The following NLRP14 variants were observed in gnomAD, a reference collection of about 807,000 sequenced individuals.
The protein encoded by NLRP14 is NACHT, LRR and PYD domains-containing protein 14.
A neutral mutation model predicts 94.7 loss-of-function variants in NLRP14; 105 were observed. The observed-to-expected ratio is 1.11, with a 90% CI of 0.95 to 1.30. The LOEUF (loss-of-function observed/expected upper bound fraction) is 1.30, where lower values mean the gene tolerates loss of function less well. Among genes scored for constraint, NLRP14 ranks in the 50% most tolerant of loss-of-function variants. The probability of loss-of-function intolerance (pLI) is 0.00; values close to 1 mark genes in which losing one functional copy is unlikely to be tolerated. For missense variants in NLRP14, 1,362 were observed against 1,254.1 expected, an observed-to-expected ratio of 1.09 and a Z score of -1.30; for synonymous variants, 508 against 459.9, an observed-to-expected ratio of 1.10 and a Z score of -1.34.
chr11:7,064,643 G>A (rs1228413143), intron 10 of NLRP14, among the ~76,000 whole-genome samples: 1 of 152,022 alleles, frequency 6.6e-6, no homozygotes, highest in East Asian at 1.9e-4. Context: ...TCATACAAAT[G>A]GGAGAGAGAG....
At chr11:7,089,114 G>A in the NLRP14 span, 3 of 1,612,872 alleles carry the variant, frequency 1.9e-6, no homozygotes, top group Middle Eastern at 1.7e-4. Context: ...CCGTTCGACC[G>A]GCAAACATGG....
At chr11:7,032,661 T>C (rs910429658) in intron 1 of NLRP14, among the ~76,000 whole-genome samples, 26 of 152,236 alleles carry the variant, frequency 1.7e-4, no homozygotes, top group Non-Finnish European at 1.0e-4. Context: ...TTGTGCTATC[T>C]GCCTAAGTTT....
intron 1 of NLRP14, among the ~76,000 whole-genome samples, chr11:7,025,655 G>C (rs1030850574): frequency 2.0e-5 from 3 of 152,058 alleles, no homozygotes; most frequent in Non-Finnish European, 2.9e-5. Flanking sequence ...AGAAACATCT[G>C]TGAGGTGAGT....
At position 7,023,242 on chromosome 11, in the gene NLRP14, A is replaced by G. The variant is rs1292277151; in HGVS notation, c.-22+2472A>G. On this transcript the variant is annotated intron_variant, in intron 1 of 11. Transcript: ENST00000299481. ...ATTTTATATACACATATAAAATTTTAAATATGTTTAAATTTTAATTTTATA... is the reference window on the plus strand; with the variant it reads ...ATTTTATATACACATATAAAATTTTGAATATGTTTAAATTTTAATTTTATA... 3.3e-5 allele frequency among the ~76,000 whole-genome samples: 5 copies of G among 149,398 alleles called. No individual in the cohort carries two copies. In the East Asian group the frequency reaches 9.7e-4, roughly 29 times the overall value.
At chr11:7,089,572 GGCC>G in the NLRP14 span, 3 of 1,183,762 alleles carry the variant, frequency 2.5e-6, no homozygotes, top group East Asian at 4.1e-5. Flanking sequence ...ATGAAGCGTG[GGCC>G]GCCGCCGCGC....
At chr11:7,050,256 G>GTT (rs1852422468) in intron 6 of NLRP14, among the ~76,000 whole-genome samples, 1 of 152,158 alleles carries the variant, frequency 6.6e-6, no homozygotes, top group Non-Finnish European at 1.5e-5. Flanking sequence ...TTTGATTTTT[G>GTT]TTGGTGACTC....
At chr11:7,084,936 C>A in the NLRP14 span, among the ~76,000 whole-genome samples, 2 of 152,052 alleles carry the variant, frequency 1.3e-5, no homozygotes, top group African/African-American at 4.8e-5. Context: ...TAGTTAGTGT[C>A]AAAATTGAAT....
intron 10 of NLRP14, among the ~76,000 whole-genome samples, chr11:7,070,049 T>C (rs1216451895): frequency 2.0e-5 from 3 of 152,220 alleles, no homozygotes; most frequent in Non-Finnish European, 2.9e-5. Flanking sequence ...GCATATTTTA[T>C]TTATTCCTTA....
the NLRP14 span, chr11:7,089,097 TGACCGACCGTTC>T: frequency 6.2e-7 from 1 of 1,608,278 alleles, no homozygotes; most frequent in Non-Finnish European, 8.5e-7. Context: ...CCACCGCCAC[TGACCGACCGTTC>T]GACCGGCAAA....
At chr11:7,066,703 C>T (rs1290193290) in intron 10 of NLRP14, among the ~76,000 whole-genome samples, 1 of 152,052 alleles carries the variant, frequency 6.6e-6, no homozygotes, top group Non-Finnish European at 1.5e-5. Context: ...TAATTAGATC[C>T]CATTTGTCAA....
At chr11:7,048,919 T>G (rs1852399159) in intron 5 of NLRP14, among the ~76,000 whole-genome samples, 1 of 151,980 alleles carries the variant, frequency 6.6e-6, no homozygotes, top group Admixed American at 6.6e-5. Flanking sequence ...GTTTACTGAG[T>G]GCCTTAGGCA....
chr11:7,057,536 C>G, intron 6 of NLRP14, 141 bp from the exon 7 acceptor site: 1 of 764,268 alleles, frequency 1.3e-6, no homozygotes, highest in East Asian at 2.6e-5. Flanking sequence ...AGTTAAATAA[C>G]TTTTTTTCTG....
At chr11:7,073,571 A>C (rs1456209559), downstream of NLRP14, among the ~76,000 whole-genome samples, 1 of 152,194 alleles carries the variant, frequency 6.6e-6, no homozygotes, top group South Asian at 2.1e-4. Flanking sequence ...TACCAATTGC[A>C]AGTTCCAGGT....
chr11:7,090,887 G>A, the NLRP14 span: 1 of 171,444 alleles, frequency 5.8e-6, no homozygotes. Flanking sequence ...AAAGTAAATG[G>A]ATAATGTTGG....
intron 6 of NLRP14, among the ~76,000 whole-genome samples, chr11:7,051,918 G>A (rs1296381134): frequency 6.6e-6 from 1 of 152,180 alleles, no homozygotes; most frequent in Non-Finnish European, 1.5e-5. Flanking sequence ...ATCGCACCTG[G>A]CCCATAATCA....
At chr11:7,032,666 A>G (rs1040299601) in intron 1 of NLRP14, among the ~76,000 whole-genome samples, 3 of 152,080 alleles carry the variant, frequency 2.0e-5, no homozygotes, top group African/African-American at 7.2e-5. Context: ...CTATCTGCCT[A>G]AGTTTGAAAA....
At chr11:7,085,157 T>C in the NLRP14 span, among the ~76,000 whole-genome samples, 2 of 152,236 alleles carry the variant, frequency 1.3e-5, no homozygotes, top group African/African-American at 4.8e-5. Flanking sequence ...TAGTATTAAG[T>C]ATATTCATAT....
downstream of NLRP14, among the ~76,000 whole-genome samples, chr11:7,073,787 T>G (rs532894502): frequency 4.3e-4 from 66 of 152,362 alleles, 1 homozygote; most frequent in African/African-American, 1.5e-3. Flanking sequence ...CGGAAGGTTC[T>G]ATCCCTGTGC....
chr11:7,053,494 T>C (rs1275281233), intron 6 of NLRP14, among the ~76,000 whole-genome samples: 1 of 149,666 alleles, frequency 6.7e-6, no homozygotes, highest in East Asian at 1.9e-4. Flanking sequence ...TACTTTAAAA[T>C]ATTAGTGTAA....
Sources: allele counts gnomAD v4.1 joint callset (sites outside exome capture counted in the v4.1 genomes callset), GRCh38; gene constraint gnomAD v4.1.1; transcripts MANE v1.5; gene names NCBI Gene and HGNC (gene_info 2026-07-23, HGNC 2026-07-21).